Variants in HDAC4 observed in about 807,000 individuals in gnomAD.
HDAC4 encodes the protein histone deacetylase 4.
HDAC4 carries 16 observed loss-of-function variants against 135.1 expected under a neutral mutation model. The observed-to-expected ratio is 0.12, with a 90% confidence interval of 0.08 to 0.18. The LOEUF is 0.18. HDAC4 is among the 10% of genes least tolerant of loss of function. HDAC4 has a pLI of 1.00. For missense variants in HDAC4, 1,143 were observed against 1,511.8 expected, an observed-to-expected ratio of 0.76 and a Z score of 4.05; for synonymous variants, 685 against 653.4, an observed-to-expected ratio of 1.05 and a Z score of -0.74.
chr2:239,121,254 GC>G (rs2039660480), intron 12 of HDAC4, among the ~76,000 whole-genome samples: 1 of 152,164 alleles, frequency 6.6e-6, no homozygotes, highest in Non-Finnish European at 1.5e-5. Context: ...ACCATGCCCA[GC>G]TTTAAATTTC....
At chr2:239,332,537 AATT>A (rs1691655430) in intron 2 of HDAC4, among the ~76,000 whole-genome samples, 1 of 152,080 alleles carries the variant, frequency 6.6e-6, no homozygotes, top group Non-Finnish European at 1.5e-5. Context: ...ACCAAATTAT[AATT>A]AAAATGACAT....
At chr2:239,347,155 T>G (rs1462089024) in intron 2 of HDAC4, among the ~76,000 whole-genome samples, 1 of 132,530 alleles carries the variant, frequency 7.5e-6, no homozygotes, top group Non-Finnish European at 1.8e-5. Context: ...CTGCAGAGCA[T>G]TATTTAAATG....
intron 4 of HDAC4, among the ~76,000 whole-genome samples, chr2:239,178,550 G>T (rs1015653038): frequency 2.0e-5 from 3 of 152,064 alleles, no homozygotes; most frequent in Non-Finnish European, 2.9e-5. Flanking sequence ...ACCCAGATAC[G>T]TTTTCTTCTT....
At chr2:239,144,820 T>C in intron 7 of HDAC4, 106 bp from the exon 8 acceptor site, 1 of 1,207,336 alleles carries the variant, frequency 8.3e-7, no homozygotes, top group South Asian at 1.2e-5. Context: ...AAATATTTGC[T>C]CAACACTGCT....
rs1012651402 is a variant in HDAC4 at position 239,148,764 on chromosome 2, G to A, written c.734-4050C>T. ...AAGGAGGCCACGGAGCCCGGGAGAGGAGGCGGGGGCCAGGCCGGGAGAGCA... is the reference window on the plus strand; with the variant it reads ...AAGGAGGCCACGGAGCCCGGGAGAGAAGGCGGGGGCCAGGCCGGGAGAGCA... On this transcript the variant is annotated intron_variant, in intron 7 of 26. Transcript: ENST00000543185. Among the ~76,000 whole-genome samples, 156 of 152,364 alleles carry A rather than the reference G, an allele frequency of 1.0e-3. 1 individual carries two copies. The highest frequency in any genetic ancestry group is 3.5e-3 in the African/African-American group (147 of 41,586).
intron 7 of HDAC4, among the ~76,000 whole-genome samples, chr2:239,150,639 C>G (rs1162544571): frequency 7.2e-6 from 1 of 139,392 alleles, no homozygotes; most frequent in Admixed American, 7.2e-5. Context: ...ACCACACCTT[C>G]ACATACAGCA....
At chr2:239,385,222 A>C (rs1695709095) in intron 1 of HDAC4, among the ~76,000 whole-genome samples, 1 of 152,206 alleles carries the variant, frequency 6.6e-6, no homozygotes, top group Admixed American at 6.5e-5. Context: ...GGTCTCCTCC[A>C]AGCCTCAGGA....
At position 239,236,575 on chromosome 2, in the gene HDAC4, A is replaced by T. The variant is rs2047901547; in HGVS notation, c.94+18T>A. ...CAGCGCAGGGCCGGCCGGACAGGGC[A>T]GGGGTGGGCGGACTTACCCGTGCTG... On this transcript the variant is annotated intron_variant, in intron 3 of 26. Coordinates refer to ENST00000543185, the MANE Select transcript of HDAC4 (RefSeq NM_001378414.1). 1.3e-6 allele frequency: 2 copies of T among 1,548,182 alleles called. No individual in the cohort carries two copies. Among genetic ancestry groups the T allele is most frequent in the Non-Finnish European group, 1.7e-6 (2 of 1,143,882 alleles).
chr2:239,210,141 TGG>T (rs1382479452), intron 3 of HDAC4, among the ~76,000 whole-genome samples: 48 of 152,100 alleles, frequency 3.2e-4, no homozygotes, highest in Middle Eastern at 3.2e-3. Flanking sequence ...ACAAGGAGAA[TGG>T]TACAAGGATA....
At chr2:239,283,737 G>A (rs1404232497) in intron 2 of HDAC4, among the ~76,000 whole-genome samples, 5 of 152,238 alleles carry the variant, frequency 3.3e-5, no homozygotes, top group African/African-American at 4.8e-5. Context: ...CGGCCACCAC[G>A]GGCGGTCATG....
At chr2:239,054,228 C>T (rs898033645) in intron 25 of HDAC4, among the ~76,000 whole-genome samples, 10 of 152,096 alleles carry the variant, frequency 6.6e-5, no homozygotes, top group Non-Finnish European at 1.3e-4. Context: ...GCTGGGCTTG[C>T]GACAATGACA....
intron 3 of HDAC4, among the ~76,000 whole-genome samples, chr2:239,224,657 T>G (rs1313931965): frequency 2.0e-4 from 30 of 152,228 alleles, no homozygotes; most frequent in Admixed American, 2.0e-3. Context: ...CAGGGTAACA[T>G]GAGTACCATG....
intron 3 of HDAC4, among the ~76,000 whole-genome samples, chr2:239,215,122 C>T (rs1301064886): frequency 6.6e-6 from 1 of 152,176 alleles, no homozygotes; most frequent in Non-Finnish European, 1.5e-5. Context: ...AGGATATCAC[C>T]AAGGGAATGA....
intron 1 of HDAC4, among the ~76,000 whole-genome samples, chr2:239,379,288 C>A (rs560271821): frequency 1.3e-5 from 2 of 152,262 alleles, no homozygotes; most frequent in African/African-American, 4.8e-5. Flanking sequence ...CAAGTGCTGG[C>A]TCCCGCGCAG....
chr2:239,251,263 C>A (rs1287775101), intron 2 of HDAC4, among the ~76,000 whole-genome samples: 1 of 152,212 alleles, frequency 6.6e-6, no homozygotes, highest in Non-Finnish European at 1.5e-5. Flanking sequence ...CACACAGATG[C>A]CACCACAGCT....
At chr2:239,093,640 G>A (rs1173557451) in intron 17 of HDAC4, among the ~76,000 whole-genome samples, 1 of 152,196 alleles carries the variant, frequency 6.6e-6, no homozygotes, top group East Asian at 1.9e-4. Context: ...CCGCGTCCAC[G>A]TGGGGAGCTT....
In HDAC4 at chr2:239,334,791, G is replaced by C. The variant is rs180844400; in HGVS notation, c.22+17887C>G. Among the ~76,000 whole-genome samples, 449 of 152,210 alleles carry C rather than the reference G, an allele frequency of 2.9e-3. 2 individuals carry two copies. The highest frequency in any genetic ancestry group is 0.01 in the African/African-American group (427 of 41,522). Reference sequence around the variant, plus strand: ...TAATCCCAGCACTTTGGGAGGCCGAGGCAGGTGGATCACAAGGTCAGGAGA... The same window carrying C: ...TAATCCCAGCACTTTGGGAGGCCGACGCAGGTGGATCACAAGGTCAGGAGA... On this transcript the variant is annotated intron_variant, in intron 2 of 26. Transcript: ENST00000543185.
intron 3 of HDAC4, among the ~76,000 whole-genome samples, chr2:239,231,113 A>T (rs2047526621): frequency 6.6e-6 from 1 of 152,150 alleles, no homozygotes; most frequent in Admixed American, 6.5e-5. Flanking sequence ...AAGGTTCCAG[A>T]GTTTTCTTTT....
chr2:239,106,356 A>G (rs559220230), intron 15 of HDAC4, among the ~76,000 whole-genome samples: 156 of 152,176 alleles, frequency 1.0e-3, no homozygotes, highest in African/African-American at 3.6e-3. Flanking sequence ...TAGGGGAGGG[A>G]CAAGGAAGCA....
Sources: allele counts gnomAD v4.1 joint callset (sites outside exome capture counted in the v4.1 genomes callset), GRCh38; gene constraint gnomAD v4.1.1; transcripts MANE v1.5; gene names NCBI Gene and HGNC (gene_info 2026-07-23, HGNC 2026-07-21).